Variants in CCDC3 observed in about 807,000 individuals in gnomAD.
CCDC3 encodes the protein coiled-coil domain-containing protein 3.
CCDC3 carries 24 observed loss-of-function variants against 21.4 expected under a neutral mutation model. The observed-to-expected ratio is 1.12, with a 90% CI of 0.81 to 1.58. The LOEUF (loss-of-function observed/expected upper bound fraction) is 1.58, where lower values mean the gene tolerates loss of function less well. Among genes scored for constraint, CCDC3 ranks in the 40% most tolerant of loss-of-function variants. The probability of loss-of-function intolerance (pLI) is 0.00; values close to 1 mark genes in which losing one functional copy is unlikely to be tolerated. For synonymous variants in CCDC3, 186 were observed against 166.0 expected (o/e 1.12, Z -0.93); for missense variants, 425 against 360.9 (o/e 1.18, Z -1.44).
At chr10:13,090,214 A>T (rs1832548396) in intron 3 of CCDC3, among the ~76,000 whole-genome samples, 1 of 150,322 alleles carries the variant, frequency 6.7e-6, no homozygotes, top group African/African-American at 2.5e-5. Context: ...TCAGCCTCCC[A>T]AGTAGCTGGG....
intron 2 of CCDC3, among the ~76,000 whole-genome samples, chr10:12,997,872 C>CT (rs1411322928): frequency 6.6e-6 from 1 of 152,130 alleles, no homozygotes; most frequent in African/African-American, 2.4e-5. Flanking sequence ...GAAGAATTGT[C>CT]TTGGGCCACA....
chr10:13,028,043 C>T (rs1241435561), intron 5 of CCDC3, among the ~76,000 whole-genome samples: 2 of 152,146 alleles, frequency 1.3e-5, no homozygotes, highest in Non-Finnish European at 2.9e-5. Context: ...CAGGCTACTA[C>T]AATATATAGT....
At chr10:13,080,969 AG>A (rs1837033028) in intron 3 of CCDC3, among the ~76,000 whole-genome samples, 1 of 152,220 alleles carries the variant, frequency 6.6e-6, no homozygotes, top group African/African-American at 2.4e-5. Context: ...ACCTCGAGAG[AG>A]GGGCAGGGCC....
intron 2 of CCDC3, among the ~76,000 whole-genome samples, chr10:12,914,260 T>G (rs1834313328): frequency 6.6e-6 from 1 of 152,224 alleles, no homozygotes; most frequent in African/African-American, 2.4e-5. Context: ...TCTTACTCAT[T>G]ACTGTTCTGT....
chr10:13,060,658 C>T (rs779893758), intron 4 of CCDC3, among the ~76,000 whole-genome samples: 14 of 152,134 alleles, frequency 9.2e-5, no homozygotes, highest in Non-Finnish European at 1.3e-4. Context: ...ATGCACATCA[C>T]CAAACCAGGC....
At chr10:13,068,429 T>C (rs1174104568) in intron 4 of CCDC3, among the ~76,000 whole-genome samples, 1 of 152,156 alleles carries the variant, frequency 6.6e-6, no homozygotes, top group Admixed American at 6.5e-5. Flanking sequence ...AAAGGGAAGA[T>C]AAAAGCTGTG....
chr10:13,048,224 G>T (rs565670208), intron 5 of CCDC3, among the ~76,000 whole-genome samples: 2 of 151,958 alleles, frequency 1.3e-5, no homozygotes, highest in African/African-American at 4.8e-5. Context: ...ACGGAGTCTC[G>T]CTCTGTTGCC....
At chr10:12,906,885 G>T (rs1193284828) in intron 2 of CCDC3, among the ~76,000 whole-genome samples, 1 of 152,112 alleles carries the variant, frequency 6.6e-6, no homozygotes, top group East Asian at 1.9e-4. Flanking sequence ...CAGCATCCTA[G>T]GTCCTCTTGA....
chr10:13,097,120 G>A (rs534281189), intron 3 of CCDC3, among the ~76,000 whole-genome samples: 2 of 152,278 alleles, frequency 1.3e-5, no homozygotes, highest in South Asian at 4.2e-4. Context: ...ACCCAGATTA[G>A]GATCTCACTA....
chr10:13,058,790 G>A (rs1317065815), intron 4 of CCDC3: 2 of 198,646 alleles, frequency 1.0e-5, no homozygotes, highest in Non-Finnish European at 2.1e-5. Context: ...AGGACTTGTT[G>A]TTTGGAGGTG....
chr10:12,934,159 A>G (rs538808864), intron 2 of CCDC3, among the ~76,000 whole-genome samples: 5 of 152,276 alleles, frequency 3.3e-5, no homozygotes, highest in Admixed American at 2.6e-4. Flanking sequence ...TTAACTGAAA[A>G]TATTTCGAAA....
chr10:12,944,392 C>G (rs1834881903), intron 2 of CCDC3, among the ~76,000 whole-genome samples: 1 of 152,214 alleles, frequency 6.6e-6, no homozygotes, highest in African/African-American at 2.4e-5. Flanking sequence ...ATTCTTCAGG[C>G]AGAGCTTAAC....
intron 2 of CCDC3, among the ~76,000 whole-genome samples, chr10:12,929,962 T>A (rs565754805): frequency 4.0e-4 from 61 of 152,188 alleles, no homozygotes; most frequent in African/African-American, 1.3e-3. Flanking sequence ...TAGAAAAAAA[T>A]TTCTGTTTTT....
intron 2 of CCDC3, among the ~76,000 whole-genome samples, chr10:12,925,398 T>C (rs1589008159): frequency 1.3e-5 from 2 of 152,128 alleles, no homozygotes; most frequent in East Asian, 3.9e-4. Context: ...GGGCCATTAA[T>C]TTCAAAACTG....
chr10:13,037,304 A>G (rs1171041235), intron 5 of CCDC3, among the ~76,000 whole-genome samples: 1 of 152,168 alleles, frequency 6.6e-6, no homozygotes, highest in Non-Finnish European at 1.5e-5. Flanking sequence ...AGTTTTTTTT[A>G]AATTAAATAC....
At chr10:13,054,718 A>T (rs1353793159) in intron 4 of CCDC3, among the ~76,000 whole-genome samples, 1 of 152,054 alleles carries the variant, frequency 6.6e-6, no homozygotes, top group Admixed American at 6.6e-5. Context: ...CCCAGGCTGG[A>T]GGGCAGTGGT....
intron 2 of CCDC3, 32 bp from the exon 3 acceptor site, chr10:12,898,711 G>A (rs749419524): frequency 2.5e-6 from 4 of 1,609,178 alleles, no homozygotes. Context: ...AAGGAGAGGA[G>A]GTGAGTCCCA....
chr10:13,046,381 G>C (rs1436516958), intron 5 of CCDC3, among the ~76,000 whole-genome samples: 3 of 150,620 alleles, frequency 2.0e-5, no homozygotes, highest in Non-Finnish European at 4.4e-5. Flanking sequence ...ATTCCAGCCT[G>C]GGCAACAGAG....
intron 2 of CCDC3, among the ~76,000 whole-genome samples, chr10:12,992,699 C>G (rs1039139743): frequency 3.3e-5 from 5 of 152,040 alleles, no homozygotes; most frequent in African/African-American, 1.2e-4. Context: ...ACACTGGGTA[C>G]AGTATACACT....
Sources: allele counts gnomAD v4.1 joint callset (sites outside exome capture counted in the v4.1 genomes callset), GRCh38; gene constraint gnomAD v4.1.1; transcripts MANE v1.5; gene names NCBI Gene and HGNC (gene_info 2026-07-23, HGNC 2026-07-21).